DDX21: variants seen among roughly 807,000 people sequenced by gnomAD.
The protein encoded by DDX21 is DExD-box helicase 21.
Under a neutral mutation model 90.0 loss-of-function variants are expected in DDX21, and 18 were observed. The ratio of observed to expected loss-of-function variants is 0.20; its 90% confidence interval spans 0.14 to 0.30. The LOEUF is 0.30. Among genes scored for constraint, DDX21 ranks in the 10% least tolerant of loss-of-function variants. DDX21 has a pLI of 1.00. For synonymous variants in DDX21, 294 were observed against 318.0 expected (o/e 0.92, Z 0.80); for missense variants, 673 against 944.5 (o/e 0.71, Z 3.77).
At chr10:68,966,574 C>G (rs899964495) in intron 5 of DDX21, among the ~76,000 whole-genome samples, 1 of 151,980 alleles carries the variant, frequency 6.6e-6, no homozygotes, top group Non-Finnish European at 1.5e-5. Flanking sequence ...TCCCGAGTAG[C>G]TGGGATTACA....
chr10:68,964,162 C>T (rs1262158132), intron 4 of DDX21: 10 of 392,486 alleles, frequency 2.5e-5, no homozygotes, highest in South Asian at 5.6e-5. Context: ...GAGGTGAAAA[C>T]GCCAAGCCCC....
intron 9 of DDX21, among the ~76,000 whole-genome samples, 179 bp from the exon 10 acceptor site, chr10:68,973,366 A>G (rs529322144): frequency 4.1e-4 from 62 of 152,306 alleles, no homozygotes; most frequent in African/African-American, 1.4e-3. Context: ...GACAGGGACC[A>G]TTGTTCTAGA....
In DDX21 at chr10:68,965,452, T is replaced by A; in HGVS notation, c.862T>A (p.Ser288Thr). 1 of 1,613,994 alleles carries A rather than the reference T, an allele frequency of 6.2e-7. No homozygotes were observed. Among genetic ancestry groups the A allele is most frequent in the Non-Finnish European group, 8.5e-7 (1 of 1,179,982 alleles). The part of the protein sequence containing the change: ...KDFSDITKKL[S>T]VACFYGGTPY... ...CTTCAGTGACATCACAAAAAAGCTGTCAGTGGCTTGTTTTTATGGTGGAAC... is the reference window on the plus strand; with the variant it reads ...CTTCAGTGACATCACAAAAAAGCTGACAGTGGCTTGTTTTTATGGTGGAAC... The change falls in exon 5 of 15, where the codon TCA becomes ACA. Residue 288 changes from serine (S) to threonine (T), a missense_variant. Physicochemically the swap from Ser to Thr is moderately conservative, Grantham distance 58. Transcript: ENST00000354185.
rs774556005 is a variant in DDX21, at chr10:68,974,690, A to G, written c.1689A>G (p.Ile563Met). 16 of 1,613,932 alleles carry G rather than the reference A, an allele frequency of 9.9e-6. No individual in the cohort carries two copies. Among genetic ancestry groups the G allele is most frequent in the Admixed American group, 6.7e-5 (4 of 59,996 alleles). ...TGTAGGGAATTAAGTTCAAACGAATAGGTGTTCCTTCTGCAACAGAAATAA... is the reference window on the plus strand; with the variant it reads ...TGTAGGGAATTAAGTTCAAACGAATGGGTGTTCCTTCTGCAACAGAAATAA... ...EQKAGIKFKR[I>M]GVPSATEIIK... Residue 563 changes from isoleucine (I) to methionine (M), a missense_variant, in exon 11 of 15, where the codon ATA becomes ATG. Ile to Met is a conservative substitution (Grantham distance 10, BLOSUM62 1). This residue lies in a region of DDX21 where 225 missense variants were observed against 298.8 expected (regional missense o/e 0.75). Coordinates refer to ENST00000354185, the MANE Select transcript of DDX21 (RefSeq NM_004728.4).
Position 68,983,175 on chromosome 10 carries a change from A to G in DDX21, c.*363A>G, listed in dbSNP as rs12412103. The G allele has an allele frequency of 0.069, 16,414 of 238,962 alleles. 854 individuals carry two copies. Among genetic ancestry groups the G allele is most frequent in the African/African-American group, 0.15 (6,609 of 44,808 alleles). 14.8% of individuals were successfully genotyped at this position (238,962 alleles called of 1,614,324 possible). On this transcript the variant is annotated 3_prime_UTR_variant, in exon 15 of 15. Coordinates refer to ENST00000354185, the MANE Select transcript of DDX21 (RefSeq NM_004728.4). The stretch of plus-strand genomic sequence containing the variant: ...TCCCTTAATAGTGTCCTTCCCTGAA[A>G]TAAATACCTAAGGGAGTGTAACAGT...
At chr10:68,972,148 A>T in intron 9 of DDX21, 96 bp downstream of exon 9, 1 of 1,391,186 alleles carries the variant, frequency 7.2e-7, no homozygotes, top group Non-Finnish European at 9.8e-7. Context: ...TCATTAGTAT[A>T]TAGCTATCTT....
In DDX21 at chr10:68,982,807, C is replaced by G. The variant is rs569497001; in HGVS notation, c.2347C>G (p.Gln783Glu). The G allele has an allele frequency of 6.2e-7, 1 of 1,613,672 alleles. No homozygotes were observed. The highest frequency in any genetic ancestry group is 1.1e-5 in the South Asian group (1 of 91,018). ...QKRSFSKAFG[Q>E] ...GCGGAGTTTCAGTAAAGCATTTGGT[C>G]AATAATTAGAAATAGAAGATTTATA... Residue 783 changes from glutamine to glutamate, a missense_variant, in exon 15 of 15, where the codon CAA becomes GAA. Physicochemically the swap from Gln to Glu is conservative, Grantham distance 29 (BLOSUM62 2). Transcript: ENST00000354185.
At chr10:68,956,444 C>G in intron 1 of DDX21, 132 bp downstream of exon 1, 5 of 1,491,776 alleles carry the variant, frequency 3.4e-6, no homozygotes, top group Admixed American at 2.3e-5. Context: ...GGGCGTGGGT[C>G]TTGGCGGGCG....
intron 6 of DDX21, among the ~76,000 whole-genome samples, chr10:68,968,675 A>C (rs1378608306): frequency 2.6e-5 from 4 of 152,260 alleles, no homozygotes; most frequent in Non-Finnish European, 1.5e-5. Context: ...AATTCATAAA[A>C]TATTGAGAAT....
intron 9 of DDX21, among the ~76,000 whole-genome samples, chr10:68,973,273 G>T (rs899240104): frequency 1.3e-5 from 2 of 152,042 alleles, no homozygotes; most frequent in Admixed American, 1.3e-4. Flanking sequence ...TCTGTCTACT[G>T]GAAGACTGAA....
At position 68,959,852 on chromosome 10, in the gene DDX21, C is replaced by T; in HGVS notation, c.134C>T (p.Ala45Val). 6.3e-7 allele frequency: 1 copy of T among 1,577,662 alleles called. No homozygotes were observed. The highest frequency in any genetic ancestry group is 8.5e-7 in the Non-Finnish European group (1 of 1,171,752). ...KPKSDKTEEIAEEEETVFPKA... is the reference protein window; with the variant it reads ...KPKSDKTEEIVEEEETVFPKA... Reference sequence around the variant, plus strand: ...AAATCTGATAAGACTGAAGAGATAGCAGAAGAGGAAGAAACTGTTTTCCCC... The same window carrying T: ...AAATCTGATAAGACTGAAGAGATAGTAGAAGAGGAAGAAACTGTTTTCCCC... Residue 45 changes from alanine (A) to valine (V), a missense_variant, in exon 2 of 15, where the codon GCA (alanine) becomes GTA (valine). Ala to Val is a moderately conservative substitution (Grantham distance 64, BLOSUM62 0). Transcript: ENST00000354185.
intron 11 of DDX21, among the ~76,000 whole-genome samples, chr10:68,976,310 CAG>C (rs1042655249): frequency 1.3e-5 from 2 of 149,218 alleles, no homozygotes; most frequent in East Asian, 2.0e-4. Context: ...TTTTTTGAGA[CAG>C]AGTCTTGCTC....
chr10:68,970,069 T>TA, intron 7 of DDX21, 132 bp from the exon 8 acceptor site: 1 of 818,760 alleles, frequency 1.2e-6, no homozygotes, highest in Admixed American at 3.3e-5. Context: ...AGACAGCTCT[T>TA]ATCAGGCTTG....
intron 12 of DDX21, among the ~76,000 whole-genome samples, chr10:68,978,031 G>A (rs1251904769): frequency 6.6e-6 from 1 of 152,090 alleles, no homozygotes; most frequent in Non-Finnish European, 1.5e-5. Flanking sequence ...GAGGAGGGAG[G>A]ATTACCTGAG....
intron 1 of DDX21, chr10:68,956,541 T>C: frequency 7.2e-7 from 1 of 1,390,088 alleles, no homozygotes; most frequent in East Asian, 2.8e-5. Context: ...CCTCTTCCTC[T>C]GAGCTTATAG....
chr10:68,957,814 A>G (rs909131376), intron 1 of DDX21, among the ~76,000 whole-genome samples: 2 of 152,304 alleles, frequency 1.3e-5, no homozygotes, highest in African/African-American at 4.8e-5. Flanking sequence ...CAGGCCTGAA[A>G]TTTCCGGGAG....
Position 68,971,901 on chromosome 10 carries a change from C to T in DDX21, c.1397C>T (p.Ser466Phe), listed in dbSNP as rs1247638350. ...QNSAIKQDAQ[S>F]LHGDIPQKQR... ...TTTATTTATTGGCAGGATGCTCAGT[C>T]CTTGCATGGAGACATTCCACAGAAG... Residue 466 changes from serine (S) to phenylalanine (F), a missense_variant, in exon 9 of 15, where the codon TCC (serine) becomes TTC (phenylalanine). Physicochemically the swap from Ser to Phe is radical, Grantham distance 155. This residue lies in a region of DDX21 where 218 missense variants were observed against 347.3 expected (regional missense o/e 0.63). Transcript: ENST00000354185. The T allele has an allele frequency of 2.5e-6, 4 of 1,613,802 alleles. No individual in the cohort carries two copies. Among genetic ancestry groups the T allele is most frequent in the Non-Finnish European group, 3.4e-6 (4 of 1,179,898 alleles).
At chr10:68,956,633 C>T in intron 1 of DDX21, 1 of 1,191,026 alleles carries the variant, frequency 8.4e-7, no homozygotes, top group Non-Finnish European at 1.1e-6. Flanking sequence ...TCCCCGGCGA[C>T]TTGGGCGCGC....
intron 6 of DDX21, among the ~76,000 whole-genome samples, chr10:68,967,599 AG>A (rs1279263423): frequency 1.3e-5 from 2 of 152,178 alleles, no homozygotes; most frequent in Admixed American, 6.6e-5. Context: ...GGAAAAAAAA[AG>A]TCATGATTTA....
Sources: gnomAD v4.1 joint callset for allele counts (sites outside exome capture counted in the v4.1 genomes callset) on GRCh38, gnomAD v4.1.1 for gene constraint, gnomAD v4.1.1 regional missense constraint, MANE v1.5 for transcripts, NCBI Gene and HGNC (gene_info 2026-07-23, HGNC 2026-07-21) for gene names.